Variants in PTBP2 observed in about 807,000 individuals in gnomAD.
PTBP2 encodes the protein polypyrimidine tract binding protein 2.
PTBP2 carries 13 observed loss-of-function variants against 61.4 expected under a neutral mutation model. The observed-to-expected ratio is 0.21, with a 90% CI of 0.14 to 0.34. The LOEUF (loss-of-function observed/expected upper bound fraction) is 0.34, where lower values mean the gene tolerates loss of function less well. PTBP2 is among the 10% of genes least tolerant of loss of function. PTBP2 has a pLI of 1.00. For synonymous variants in PTBP2, 215 were observed against 218.5 expected, an observed-to-expected ratio of 0.98 and a Z score of 0.14; for missense variants, 405 against 642.6, an observed-to-expected ratio of 0.63 and a Z score of 4.00.
Position 96,806,468 on chromosome 1 carries a change from C to A in PTBP2, c.1078+16C>A. ...ACCCTCTTCGGTATGTTATTGTTAG[C>A]ACTATACTTTTATTATTGATTTGAT... On this transcript the variant is annotated intron_variant, in intron 10 of 13. Transcript: ENST00000674951. 6.3e-7 allele frequency: 1 copy of A among 1,599,946 alleles called. No individual in the cohort carries two copies. The highest frequency in any genetic ancestry group is 1.3e-5 in the African/African-American group (1 of 74,694).
chr1:96,751,188 T>C (rs1226475821), intron 2 of PTBP2: 1 of 560,500 alleles, frequency 1.8e-6, no homozygotes, highest in Non-Finnish European at 3.2e-6. Context: ...CTAATCACTT[T>C]TTCTATTTAT....
At chr1:96,739,800 TA>T (rs1357098816) in intron 2 of PTBP2, among the ~76,000 whole-genome samples, 1 of 150,942 alleles carries the variant, frequency 6.6e-6, no homozygotes, top group African/African-American at 2.4e-5. Flanking sequence ...TATATATATA[TA>T]TTTTTTAGTA....
chr1:96,772,327 C>T (rs1482601627), intron 5 of PTBP2, among the ~76,000 whole-genome samples: 1 of 152,106 alleles, frequency 6.6e-6, no homozygotes, highest in African/African-American at 2.4e-5. Context: ...GACCAGTCCC[C>T]ATCTTAAAGT....
intron 3 of PTBP2, among the ~76,000 whole-genome samples, chr1:96,768,048 A>G (rs12354003): frequency 0.084 from 12,817 of 152,158 alleles, 608 homozygotes; most frequent in Middle Eastern, 0.11. Flanking sequence ...TTGAGTCCAT[A>G]TATTATCACT....
At chr1:96,786,672 C>T (rs921760817) in intron 8 of PTBP2, among the ~76,000 whole-genome samples, 1 of 152,128 alleles carries the variant, frequency 6.6e-6, no homozygotes, top group African/African-American at 2.4e-5. Flanking sequence ...TTGGCAGATA[C>T]ATTACTTTGT....
chr1:96,797,246 A>G (rs1267982222), intron 8 of PTBP2, among the ~76,000 whole-genome samples: 3 of 152,198 alleles, frequency 2.0e-5, no homozygotes, highest in African/African-American at 7.2e-5. Flanking sequence ...ATGCATCCTT[A>G]TTCTTACCTT....
chr1:96,802,217 A>G (rs1347126511), intron 8 of PTBP2, among the ~76,000 whole-genome samples: 3 of 149,348 alleles, frequency 2.0e-5, no homozygotes, highest in African/African-American at 7.3e-5. Context: ...TCTCGAAAAA[A>G]AAAAAAAAAA....
rs748638524 is a variant in PTBP2, at chr1:96,806,391, C to T, written c.1045-28C>T. 6.6e-6 allele frequency: 10 copies of T among 1,518,142 alleles called. No homozygotes were observed. Among genetic ancestry groups the T allele is most frequent in the African/African-American group, 1.4e-5 (1 of 72,690 alleles). The allele number at this position is 1,518,142 out of a possible 1,614,324, so 94.0% of individuals were successfully genotyped here. A position where few individuals can be genotyped will look rare whatever the true frequency, so the allele number is the denominator to read the frequency against. On this transcript the variant is annotated intron_variant, in intron 9 of 13. Coordinates refer to ENST00000674951, the MANE Select transcript of PTBP2 (RefSeq NM_021190.4). Reference sequence around the variant, plus strand: ...TCGACTCTTCTCTCTTCTTGTCTTACGCTGCTTGCTCTTCTCTCCTTCTAA... The same window carrying T: ...TCGACTCTTCTCTCTTCTTGTCTTATGCTGCTTGCTCTTCTCTCCTTCTAA...
rs577328615 is a variant in PTBP2, at chr1:96,765,708, T to A, written c.116-3995T>A. Among the ~76,000 whole-genome samples the A allele has an allele frequency of 1.3e-3, 187 of 147,390 alleles. No homozygotes were observed. The South Asian group carries it at 0.015, about 11-fold the overall frequency. On this transcript the variant is annotated intron_variant, in intron 3 of 13. Transcript: ENST00000674951. ...CCTGGCAATACAGCAAGACTCTGTC[T>A]TAGATAGATAGATAGATAGATAGAT...
rs540899938 is a variant in PTBP2, at chr1:96,763,037, C to G, written c.116-6666C>G. ...AGATGGGATGGCGGCCGGGAAGAGG[C>G]GCTCCTCACTTCCTAGATGGGATGG... On this transcript the variant is annotated intron_variant, in intron 3 of 13. Transcript: ENST00000674951. Among the ~76,000 whole-genome samples the G allele has an allele frequency of 2.5e-3, 373 of 151,450 alleles. 3 individuals are homozygous for G. The highest frequency in any genetic ancestry group is 8.7e-3 in the African/African-American group (358 of 41,254).
chr1:96,810,575 T>C (rs139859500), intron 11 of PTBP2, among the ~76,000 whole-genome samples: 101 of 152,312 alleles, frequency 6.6e-4, no homozygotes, highest in African/African-American at 2.3e-3. Context: ...TCATCTGTTC[T>C]GTATGCAGTT....
chr1:96,801,999 C>T (rs1661045221), intron 8 of PTBP2, among the ~76,000 whole-genome samples: 1 of 151,646 alleles, frequency 6.6e-6, no homozygotes, highest in South Asian at 2.1e-4. Context: ...ATCACGAGGT[C>T]AGGAGATCAA....
intron 11 of PTBP2, 22 bp downstream of exon 11, chr1:96,806,980 T>G: frequency 6.5e-7 from 1 of 1,537,098 alleles, no homozygotes; most frequent in Non-Finnish European, 8.9e-7. Context: ...CTATGTTTTA[T>G]CTATACATCT....
intron 3 of PTBP2, among the ~76,000 whole-genome samples, chr1:96,768,707 T>C (rs1431315511): frequency 6.6e-6 from 1 of 152,070 alleles, no homozygotes; most frequent in East Asian, 1.9e-4. Context: ...TTGATTGAAT[T>C]ATGTTACTTT....
intron 8 of PTBP2, among the ~76,000 whole-genome samples, chr1:96,789,461 A>G (rs1268169224): frequency 1.3e-5 from 2 of 152,090 alleles, no homozygotes; most frequent in Non-Finnish European, 2.9e-5. Context: ...TAGGATCTCA[A>G]GATGGTTTTA....
At chr1:96,765,055 C>G (rs1240305259) in intron 3 of PTBP2, among the ~76,000 whole-genome samples, 1 of 152,114 alleles carries the variant, frequency 6.6e-6, no homozygotes, top group East Asian at 1.9e-4. Flanking sequence ...CTCTTTAACT[C>G]TTCTTTGGAA....
rs577450588 is a variant in PTBP2, at chr1:96,749,676, C to T, written c.40-1749C>T. 1,135 of 455,914 alleles carry T rather than the reference C, an allele frequency of 2.5e-3. 3 individuals carry two copies. Among genetic ancestry groups the T allele is most frequent in the Non-Finnish European group, 4.4e-3 (997 of 226,716 alleles). The allele number at this position is 455,914 out of a possible 1,614,324, so 28.2% of individuals were successfully genotyped here. A position where few individuals can be genotyped will look rare whatever the true frequency, so the allele number is the denominator to read the frequency against. On this transcript the variant is annotated intron_variant, in intron 2 of 13. Transcript: ENST00000674951. ...AGAACAAAGGCCAAAAAATATGTAA[C>T]AGTTAATAACGTAATTCACTTACTT...
intron 2 of PTBP2, among the ~76,000 whole-genome samples, chr1:96,746,989 G>GGT (rs1339694642): frequency 6.7e-6 from 1 of 148,654 alleles, no homozygotes; most frequent in Non-Finnish European, 1.5e-5. Context: ...TTGTTACATG[G>GGT]GTATATGGCA....
At chr1:96,798,030 C>T (rs1195221898) in intron 8 of PTBP2, among the ~76,000 whole-genome samples, 4 of 148,974 alleles carry the variant, frequency 2.7e-5, no homozygotes, top group African/African-American at 7.5e-5. Context: ...GAGCCGAGAT[C>T]GTGCCACTGC....
Sources: allele counts gnomAD v4.1 joint callset (sites outside exome capture counted in the v4.1 genomes callset), GRCh38; gene constraint gnomAD v4.1.1; transcripts MANE v1.5; gene names NCBI Gene and HGNC (gene_info 2026-07-23, HGNC 2026-07-21).